Variants in SGSM1 observed in about 807,000 individuals in gnomAD.
SGSM1 encodes the protein RUN and TBC1 domain containing 2.
In SGSM1, 73 loss-of-function variants were observed where a neutral mutation model predicts 133.8. The observed-to-expected ratio is 0.55, with a 90% CI of 0.45 to 0.66. The LOEUF (loss-of-function observed/expected upper bound fraction) is 0.66, where lower values mean the gene tolerates loss of function less well. SGSM1 is among the 30% of genes least tolerant of loss of function. The pLI is 0.00. For missense variants in SGSM1, 1,213 were observed against 1,448.1 expected, an observed-to-expected ratio of 0.84 and a Z score of 2.64; for synonymous variants, 563 against 573.0, an observed-to-expected ratio of 0.98 and a Z score of 0.25.
chr22:24,868,790 A>G lies in SGSM1; in HGVS notation c.1226A>G (p.Lys409Arg), dbSNP rs781213364. The change falls in exon 12 of 25, where the codon AAA becomes AGA. Residue 409 changes from lysine to arginine, a missense_variant. Coordinates refer to ENST00000400358, the MANE Select transcript of SGSM1 (RefSeq NM_001098497.3). ...QGSAESTSSD[K>R]DDDEATDYVF... ...TCTGCCGAGTCCACATCTTCAGACA[A>G]AGATGATGATGAGGCCACGGATTAT... is the stretch of plus-strand genomic sequence containing the variant. 4 of 1,614,004 alleles carry G rather than the reference A, an allele frequency of 2.5e-6. No homozygotes were observed. Among genetic ancestry groups the G allele is most frequent in the East Asian group, 2.2e-5 (1 of 44,866 alleles).
At chr22:24,884,267 A>G in intron 15 of SGSM1, 69 bp downstream of exon 15, 1 of 1,534,388 alleles carries the variant, frequency 6.5e-7, no homozygotes, top group East Asian at 2.3e-5. Flanking sequence ...TTATCTGAGA[A>G]ATAAGCCCAC....
chr22:24,903,526 A>C (rs1933242637), intron 20 of SGSM1, among the ~76,000 whole-genome samples: 1 of 152,248 alleles, frequency 6.6e-6, no homozygotes, highest in East Asian at 1.9e-4. Flanking sequence ...CATATTTTTT[A>C]AATGTTTTAA....
intron 14 of SGSM1, among the ~76,000 whole-genome samples, chr22:24,883,071 AT>A (rs756077282): frequency 0.22 from 30,274 of 138,798 alleles, 3,444 homozygotes; most frequent in African/African-American, 0.33. Context: ...ATTTTTTTGT[AT>A]TTTTTTTTTT....
rs1005514984 is a variant in SGSM1 at position 24,873,358 on chromosome 22, G to A, written c.1292-3219G>A. 2.0e-5 allele frequency among the ~76,000 whole-genome samples: 3 copies of A among 152,028 alleles called. No individual in the cohort carries two copies. In the East Asian group the frequency reaches 5.8e-4, roughly 29 times the overall value. ...GGGCTGAATAATTCCTTGTGTGGGG[G>A]TTGCCTTGTGTTTTCTACGATGTTG... is the stretch of plus-strand genomic sequence containing the variant. On this transcript the variant is annotated intron_variant, in intron 12 of 24. Transcript: ENST00000400358.
chr22:24,845,060 C>G (rs768509466), intron 3 of SGSM1, 88 bp downstream of exon 3: 5 of 1,311,272 alleles, frequency 3.8e-6, no homozygotes, highest in Non-Finnish European at 5.4e-6. Context: ...TGCTTTATGA[C>G]TCTGAAGTTA....
At chr22:24,855,084 A>G in intron 6 of SGSM1, 21 bp downstream of exon 6, 1 of 1,609,594 alleles carries the variant, frequency 6.2e-7, no homozygotes, top group Non-Finnish European at 8.5e-7. Context: ...CTGTGTGCTG[A>G]GCTTCATCTA....
chr22:24,871,674 T>G (rs759540665), intron 12 of SGSM1, among the ~76,000 whole-genome samples: 1 of 152,174 alleles, frequency 6.6e-6, no homozygotes, highest in Non-Finnish European at 1.5e-5. Flanking sequence ...ATTTGAACGC[T>G]GGGGGTCTGG....
chr22:24,876,620 C>T lies in SGSM1; in HGVS notation c.1335C>T (p.Ser445=), dbSNP rs1601946111. The T allele has an allele frequency of 1.2e-6, 2 of 1,614,018 alleles. No individual in the cohort carries two copies. Among genetic ancestry groups the T allele is most frequent in the South Asian group, 1.1e-5 (1 of 91,078 alleles). Reference sequence around the variant, plus strand: ...ACGTCTCTGTAAGCAACCTCCCATCCCTGTGGCAGCCCAGTCCCCGGAAGT... The same window carrying T: ...ACGTCTCTGTAAGCAACCTCCCATCTCTGTGGCAGCCCAGTCCCCGGAAGT... ...LMDVSVSNLP[S]LWQPSPRKSS... is the part of the protein sequence containing the mutation. Residue 445 remains serine (S), a synonymous_variant, in exon 13 of 25, where the codon TCC becomes TCT. Coordinates refer to ENST00000400358, the MANE Select transcript of SGSM1 (RefSeq NM_001098497.3).
At chr22:24,910,525 C>T (rs1212119231) in intron 21 of SGSM1, among the ~76,000 whole-genome samples, 1 of 152,078 alleles carries the variant, frequency 6.6e-6, no homozygotes, top group Admixed American at 6.6e-5. Context: ...TGCACACCTG[C>T]AGTCCCAGCT....
intron 2 of SGSM1, among the ~76,000 whole-genome samples, chr22:24,842,598 T>G (rs1320540339): frequency 6.6e-6 from 1 of 152,130 alleles, no homozygotes; most frequent in Non-Finnish European, 1.5e-5. Flanking sequence ...ATGGTTGCCC[T>G]CATGGGGATC....
chr22:24,835,658 C>T (rs1929381769), intron 2 of SGSM1, among the ~76,000 whole-genome samples: 1 of 151,948 alleles, frequency 6.6e-6, no homozygotes, highest in South Asian at 2.1e-4. Context: ...AAGAGCATTC[C>T]AGGCAAAGGG....
At chr22:24,920,714 T>C (rs1290321569) in intron 24 of SGSM1, among the ~76,000 whole-genome samples, 2 of 152,244 alleles carry the variant, frequency 1.3e-5, no homozygotes, top group Non-Finnish European at 2.9e-5. Flanking sequence ...ACCTCACTTT[T>C]GAAACATTAT....
chr22:24,868,389 G>A lies in SGSM1; in HGVS notation c.1008G>A (p.Gly336=), dbSNP rs780462131. 6 of 1,611,150 alleles carry A rather than the reference G, an allele frequency of 3.7e-6. No homozygotes were observed. The highest frequency in any genetic ancestry group is 3.3e-5 in the South Asian group (3 of 90,976). Residue 336 remains glycine (G), a synonymous_variant, in exon 11 of 25, where the codon GGG becomes GGA. Transcript: ENST00000400358. The stretch of plus-strand genomic sequence containing the variant: ...TGGTGGCGGCAGTTGACAGCGGCGG[G>A]ACAGTGGTATTGGTCAGCCAGGACG... The part of the protein sequence containing the change: ...LHCHQQVDSG[G]TVVLVSQDGI...
At chr22:24,865,498 T>A (rs1326106636) in intron 9 of SGSM1, among the ~76,000 whole-genome samples, 1 of 152,188 alleles carries the variant, frequency 6.6e-6, no homozygotes, top group Non-Finnish European at 1.5e-5. Flanking sequence ...GCAGTGTGAC[T>A]TGAGGGTTTC....
intron 17 of SGSM1, 101 bp downstream of exon 17, chr22:24,893,714 T>G: frequency 7.8e-7 from 1 of 1,279,452 alleles, no homozygotes; most frequent in Non-Finnish European, 1.0e-6. Flanking sequence ...GTCTGGGGCC[T>G]GGTGACAGTC....
intron 2 of SGSM1, among the ~76,000 whole-genome samples, chr22:24,808,112 G>T (rs2147773297): frequency 1.4e-5 from 2 of 147,910 alleles, no homozygotes; most frequent in Admixed American, 6.7e-5. Context: ...TTTTTTTCTT[G>T]GTGTTTTTTT....
In SGSM1 at chr22:24,919,982, A is replaced by G. The variant is rs766312504; in HGVS notation, c.3182A>G (p.Lys1061Arg). 2 of 1,603,274 alleles carry G rather than the reference A, an allele frequency of 1.2e-6. No homozygotes were observed. The highest frequency in any genetic ancestry group is 1.7e-6 in the Non-Finnish European group (2 of 1,174,908). ...ENNMDFTDII[K>R]FFNEMAERHN... ...AACATGGATTTCACAGACATCATCAAATTCTTTAATGGTACCCACATGACT... is the reference window on the plus strand; with the variant it reads ...AACATGGATTTCACAGACATCATCAGATTCTTTAATGGTACCCACATGACT... The change falls in exon 24 of 25, where the codon AAA becomes AGA. Residue 1061 changes from lysine to arginine, a missense_variant. By Grantham distance (26) the Lys-to-Arg change is conservative. Coordinates refer to ENST00000400358, the MANE Select transcript of SGSM1 (RefSeq NM_001098497.3).
chr22:24,860,897 T>TAAAA (rs554853690), intron 9 of SGSM1, among the ~76,000 whole-genome samples: 2 of 43,876 alleles, frequency 4.6e-5, no homozygotes, highest in African/African-American at 8.3e-5. Context: ...GAGACTGTCT[T>TAAAA]AAAAAAAAAA....
At chr22:24,843,179 C>T (rs1433078958) in intron 2 of SGSM1, among the ~76,000 whole-genome samples, 3 of 151,998 alleles carry the variant, frequency 2.0e-5, no homozygotes, top group African/African-American at 7.3e-5. Flanking sequence ...AGATAGTTTT[C>T]AGGGTTAGAA....
Sources: allele counts gnomAD v4.1 joint callset (sites outside exome capture counted in the v4.1 genomes callset), GRCh38; gene constraint gnomAD v4.1.1; transcripts MANE v1.5; gene names NCBI Gene and HGNC (gene_info 2026-07-23, HGNC 2026-07-21).